SEC22A: variants seen among roughly 807,000 people sequenced by gnomAD.
SEC22A encodes the protein vesicle-trafficking protein SEC22a.
A neutral mutation model predicts 35.3 loss-of-function variants in SEC22A; 22 were observed. The ratio of observed to expected loss-of-function variants is 0.62; its 90% CI spans 0.45 to 0.89. The LOEUF is 0.89. Among genes scored for constraint, SEC22A ranks in the 40% least tolerant of loss-of-function variants. The pLI, the probability that SEC22A is intolerant of heterozygous loss-of-function variation, is 0.00. For missense variants in SEC22A, 354 were observed against 362.5 expected (o/e 0.98, Z 0.19); for synonymous variants, 119 against 129.5 (o/e 0.92, Z 0.55).
rs114558071 is a variant in SEC22A, at chr3:123,237,889, C to T, written c.542-8010C>T. On this transcript the variant is annotated intron_variant, in intron 4 of 6. Transcript: ENST00000492595. ...AAGAGGGGCAAGATGCAGTGGTTCA[C>T]GCCTGTAATCCCAGCACTTGAGGAG... 5.3e-3 allele frequency among the ~76,000 whole-genome samples: 814 copies of T among 152,210 alleles called. 10 individuals are homozygous for T. Among genetic ancestry groups the T allele is most frequent in the African/African-American group, 0.019 (772 of 41,552 alleles).
chr3:123,260,086 C>T (rs1937846324), intron 6 of SEC22A, among the ~76,000 whole-genome samples: 3 of 126,876 alleles, frequency 2.4e-5, no homozygotes, highest in South Asian at 5.1e-4. Context: ...GAGCCAAGAT[C>T]GCGCCACTGC....
chr3:123,238,417 C>T (rs370818180), intron 4 of SEC22A, among the ~76,000 whole-genome samples: 2 of 152,028 alleles, frequency 1.3e-5, no homozygotes, highest in Non-Finnish European at 2.9e-5. Flanking sequence ...AGGCTGGCCT[C>T]GAACTCCTGA....
intron 2 of SEC22A, among the ~76,000 whole-genome samples, chr3:123,222,136 T>A (rs965989191): frequency 5.8e-4 from 88 of 152,214 alleles, no homozygotes; most frequent in Middle Eastern, 3.4e-3. Flanking sequence ...TTTTTTTTTT[T>A]TTATTGCTTT....
chr3:123,230,440 A>G (rs1250692839), intron 4 of SEC22A, among the ~76,000 whole-genome samples: 2 of 152,100 alleles, frequency 1.3e-5, no homozygotes, highest in Non-Finnish European at 2.9e-5. Flanking sequence ...TGGAAGACAT[A>G]AAATTATAGA....
At chr3:123,232,147 G>A (rs113596301) in intron 4 of SEC22A, among the ~76,000 whole-genome samples, 2,780 of 152,260 alleles carry the variant, frequency 0.018, 49 homozygotes, top group Non-Finnish European at 0.025. Context: ...GGCTGAGGAC[G>A]AGAATTGCTT....
At chr3:123,221,956 C>G (rs1255047688) in intron 2 of SEC22A, among the ~76,000 whole-genome samples, 1 of 151,950 alleles carries the variant, frequency 6.6e-6, no homozygotes, top group Non-Finnish European at 1.5e-5. Flanking sequence ...TACCATGCCC[C>G]TTTCTTCATA....
chr3:123,241,066 A>G (rs143523002), intron 4 of SEC22A, among the ~76,000 whole-genome samples: 1,599 of 151,426 alleles, frequency 0.011, 11 homozygotes, highest in Non-Finnish European at 0.018. Context: ...TCCAACAGGT[A>G]TTTATCATTT....
intron 1 of SEC22A, 24 bp downstream of exon 1, chr3:123,202,010 CTCT>C (rs1559748237): frequency 6.5e-6 from 1 of 152,962 alleles, no homozygotes; most frequent in Admixed American, 6.5e-5. Flanking sequence ...CCTCCCAGTC[CTCT>C]TCTTCCTTTC....
intron 2 of SEC22A, among the ~76,000 whole-genome samples, chr3:123,216,700 C>A (rs769965052): frequency 1.3e-5 from 2 of 152,204 alleles, no homozygotes; most frequent in African/African-American, 2.4e-5. Flanking sequence ...AGCCCTCATT[C>A]TTATCTCCTT....
chr3:123,209,405 A>C lies in SEC22A; in HGVS notation c.182+6A>C. ...ACTGGACATTATAACATTAAGTAAG[A>C]CTTCAGTTTGCTTCATTTGACTCAT... On this transcript the variant is annotated splice_donor_region_variant and intron_variant, in intron 2 of 6. Transcript: ENST00000492595. The C allele has an allele frequency of 6.3e-7, 1 of 1,599,442 alleles. No homozygotes were observed. The highest frequency in any genetic ancestry group is 8.6e-7 in the Non-Finnish European group (1 of 1,169,066).
At chr3:123,254,778 C>T (rs1377329940) in intron 5 of SEC22A, among the ~76,000 whole-genome samples, 2 of 152,012 alleles carry the variant, frequency 1.3e-5, no homozygotes, top group Admixed American at 6.5e-5. Context: ...TACATGTGCA[C>T]AACGTGCAGG....
chr3:123,219,998 C>T (rs1358847723), intron 2 of SEC22A, among the ~76,000 whole-genome samples: 8 of 152,160 alleles, frequency 5.3e-5, no homozygotes, highest in Non-Finnish European at 1.0e-4. Flanking sequence ...TTATAGAACA[C>T]ACTATAGCCT....
chr3:123,264,916 G>A (rs915814647), intron 6 of SEC22A, among the ~76,000 whole-genome samples: 2 of 151,510 alleles, frequency 1.3e-5, no homozygotes, highest in African/African-American at 4.8e-5. Flanking sequence ...CAAAGCTCTG[G>A]GATTATAAGC....
chr3:123,221,577 A>C (rs1315594145), intron 2 of SEC22A, among the ~76,000 whole-genome samples: 2 of 151,598 alleles, frequency 1.3e-5, no homozygotes. Flanking sequence ...GATCTAGACC[A>C]GCTATATTGA....
At chr3:123,239,152 TGAG>T (rs1039333116) in intron 4 of SEC22A, among the ~76,000 whole-genome samples, 4 of 152,076 alleles carry the variant, frequency 2.6e-5, no homozygotes, top group African/African-American at 4.8e-5. Context: ...TCAGGTATGG[TGAG>T]GAGGAGATGA....
chr3:123,227,223 GA>G (rs10575570), intron 4 of SEC22A, among the ~76,000 whole-genome samples: 2,058 of 146,420 alleles, frequency 0.014, 39 homozygotes, highest in African/African-American at 0.046. Context: ...AAGGCTTTAG[GA>G]AAAAAAAAAA....
At chr3:123,221,275 AC>A (rs1937117556) in intron 2 of SEC22A, among the ~76,000 whole-genome samples, 1 of 151,686 alleles carries the variant, frequency 6.6e-6, no homozygotes, top group Non-Finnish European at 1.5e-5. Context: ...ATTTGAGACC[AC>A]CCTGGTCAAC....
chr3:123,272,406 A>G lies in SEC22A; in HGVS notation c.*684A>G, dbSNP rs1417815222. 1 of 152,216 alleles carries G rather than the reference A, an allele frequency of 6.6e-6. No homozygotes were observed. The highest frequency in any genetic ancestry group is 1.5e-5 in the Non-Finnish European group (1 of 68,048). The allele number at this position is 152,216 out of a possible 1,614,324, so 9.4% of individuals were successfully genotyped here. A position where few individuals can be genotyped will look rare whatever the true frequency, so the allele number is the denominator to read the frequency against. On this transcript the variant is annotated 3_prime_UTR_variant, in exon 7 of 7. Coordinates refer to ENST00000492595, the MANE Select transcript of SEC22A (RefSeq NM_012430.5). The stretch of plus-strand genomic sequence containing the variant: ...TTTCTTTTGAAATCACGTCTAAAAA[A>G]TATGACTCACACTATAGCCGTTGTT...
intron 1 of SEC22A, among the ~76,000 whole-genome samples, chr3:123,204,256 G>T (rs1056503006): frequency 2.6e-5 from 4 of 152,068 alleles, no homozygotes; most frequent in Admixed American, 6.6e-5. Flanking sequence ...AGATATTATT[G>T]CTAAAAAATA....
Sources: allele counts gnomAD v4.1 joint callset (sites outside exome capture counted in the v4.1 genomes callset), GRCh38; gene constraint gnomAD v4.1.1; transcripts MANE v1.5; gene names NCBI Gene and HGNC (gene_info 2026-07-23, HGNC 2026-07-21).